Variants in MAP2K1 observed in about 807,000 individuals in gnomAD.
MAP2K1 encodes mitogen-activated protein kinase kinase 1, also known as dual specificity mitogen-activated protein kinase kinase 1.
A neutral mutation model predicts 46.3 loss-of-function variants in MAP2K1; 16 were observed. The ratio of observed to expected loss-of-function variants is 0.35; its 90% confidence interval spans 0.23 to 0.52. The LOEUF (loss-of-function observed/expected upper bound fraction) is 0.52, where lower values mean the gene tolerates loss of function less well. Among genes scored for constraint, MAP2K1 ranks in the 20% least tolerant of loss-of-function variants. The pLI is 0.94. For missense variants in MAP2K1, 263 were observed against 497.1 expected (o/e 0.53, Z 4.48); for synonymous variants, 183 against 185.6 (o/e 0.99, Z 0.11).
At position 66,445,863 on chromosome 15, in the gene MAP2K1, G is replaced by A. The variant is rs959445114; in HGVS notation, c.568+1156G>A. ...AGGAACTTTTTGGGGTGACACAAAT[G>A]TTACATCTTTTTTTTTTTTTCAAGA... On this transcript the variant is annotated intron_variant, in intron 5 of 10. Transcript: ENST00000307102. 3.3e-5 allele frequency among the ~76,000 whole-genome samples: 5 copies of A among 151,632 alleles called. No individual in the cohort carries two copies. The East Asian group carries it at 7.8e-4, about 24-fold the overall frequency.
chr15:66,465,220 A>G (rs1892431616), intron 5 of MAP2K1, among the ~76,000 whole-genome samples: 1 of 152,100 alleles, frequency 6.6e-6, no homozygotes, highest in Non-Finnish European at 1.5e-5. Context: ...AACCCCTCAG[A>G]CACCGAGTTA....
chr15:66,397,196 A>G (rs12912609), intron 1 of MAP2K1, among the ~76,000 whole-genome samples: 8,521 of 148,930 alleles, frequency 0.057, 346 homozygotes, highest in Middle Eastern at 0.11. Flanking sequence ...AGTAGAGACA[A>G]GGTTTCACCG....
rs546637392 is a variant in MAP2K1 at position 66,406,400 on chromosome 15, T to A, written c.80+18973T>A. On this transcript the variant is annotated intron_variant, in intron 1 of 10. Transcript: ENST00000307102. ...ATTAAAAGGCATTTAAATTATACAC[T>A]CCAGTGTCTAAATGACAGTCTGAAG... Among the ~76,000 whole-genome samples, 3 of 152,290 alleles carry A rather than the reference T, an allele frequency of 2.0e-5. No individual in the cohort carries two copies. The South Asian group carries it at 6.2e-4, about 32-fold the overall frequency.
At chr15:66,424,906 T>C (rs1267197398) in intron 1 of MAP2K1, among the ~76,000 whole-genome samples, 1 of 149,470 alleles carries the variant, frequency 6.7e-6, no homozygotes, top group African/African-American at 2.5e-5. Flanking sequence ...CAAGCGATTC[T>C]CCCGCCTCAG....
At chr15:66,446,757 G>C in intron 5 of MAP2K1, 1 of 332,788 alleles carries the variant, frequency 3.0e-6, no homozygotes, top group Non-Finnish European at 6.3e-6. Context: ...CGGCAAAAAT[G>C]GCCTTGCACC....
At chr15:66,459,601 G>C (rs1892265046) in intron 5 of MAP2K1, among the ~76,000 whole-genome samples, 1 of 144,790 alleles carries the variant, frequency 6.9e-6, no homozygotes, top group Admixed American at 7.1e-5. Context: ...CTGGATGACA[G>C]AGCAAGACAC....
rs2093489128 is a variant in MAP2K1, at chr15:66,436,765, A to G, written c.311A>G (p.Lys104Arg). Reference sequence around the variant, plus strand: ...CTCCAGCTAATTCATCTGGAGATCAAACCCGCAATCCGGAACCAGATCATA... The same window carrying G: ...CTCCAGCTAATTCATCTGGAGATCAGACCCGCAATCCGGAACCAGATCATA... ...MARKLIHLEI[K>R]PAIRNQIIRE... Residue 104 changes from lysine to arginine, a missense_variant, in exon 3 of 11, where the codon AAA (lysine) becomes AGA (arginine). Lys to Arg is a conservative substitution (Grantham distance 26). Around this residue, in one of 4 missense-constraint regions of MAP2K1, gnomAD observed 103 missense variants for 221.6 expected, o/e 0.46. Coordinates refer to ENST00000307102, the MANE Select transcript of MAP2K1 (RefSeq NM_002755.4). The G allele has an allele frequency of 6.2e-7, 1 of 1,614,196 alleles. No individual in the cohort carries two copies. The highest frequency in any genetic ancestry group is 8.5e-7 in the Non-Finnish European group (1 of 1,180,016).
At chr15:66,452,424 C>G (rs550144582) in intron 5 of MAP2K1, among the ~76,000 whole-genome samples, 22 of 151,702 alleles carry the variant, frequency 1.5e-4, no homozygotes, top group African/African-American at 4.3e-4. Flanking sequence ...GAGGGGGAAA[C>G]AGTTTTTCTA....
chr15:66,427,529 G>T (rs2093462296), intron 1 of MAP2K1, among the ~76,000 whole-genome samples: 1 of 151,662 alleles, frequency 6.6e-6, no homozygotes, highest in African/African-American at 2.4e-5. Flanking sequence ...CTGCACTCCA[G>T]CCTGGGTGAC....
At chr15:66,391,826 G>A (rs991041266) in intron 1 of MAP2K1, among the ~76,000 whole-genome samples, 7 of 151,984 alleles carry the variant, frequency 4.6e-5, no homozygotes, top group Admixed American at 1.3e-4. Context: ...AATTCCACCT[G>A]TTAGTCTGGT....
chr15:66,447,093 G>T (rs1891888680), intron 5 of MAP2K1, among the ~76,000 whole-genome samples: 1 of 152,144 alleles, frequency 6.6e-6, no homozygotes, highest in Admixed American at 6.6e-5. Flanking sequence ...GTGGACTAGG[G>T]TGGGCTGTTG....
chr15:66,484,381 CAT>C (rs757306890), intron 6 of MAP2K1, among the ~76,000 whole-genome samples: 12 of 152,008 alleles, frequency 7.9e-5, no homozygotes, highest in Non-Finnish European at 1.8e-4. Context: ...CTCCTGATCT[CAT>C]GTGATCCGCC....
intron 1 of MAP2K1, among the ~76,000 whole-genome samples, chr15:66,407,144 G>T (rs989426722): frequency 6.6e-6 from 1 of 152,172 alleles, no homozygotes; most frequent in African/African-American, 2.4e-5. Context: ...GTAGTATAGG[G>T]TCTAACTTCT....
chr15:66,460,400 T>C (rs538828473), intron 5 of MAP2K1, among the ~76,000 whole-genome samples: 27 of 152,236 alleles, frequency 1.8e-4, no homozygotes, highest in Non-Finnish European at 2.1e-4. Flanking sequence ...GTAGAAGTTA[T>C]ATATGTGGCA....
chr15:66,479,366 G>A (rs916932449), intron 5 of MAP2K1, among the ~76,000 whole-genome samples: 2 of 152,262 alleles, frequency 1.3e-5, no homozygotes, highest in African/African-American at 4.8e-5. Flanking sequence ...CCAAAGTGCT[G>A]GGATTACAGG....
chr15:66,470,323 G>A (rs1233991415), intron 5 of MAP2K1, among the ~76,000 whole-genome samples: 1 of 152,038 alleles, frequency 6.6e-6, no homozygotes, highest in Non-Finnish European at 1.5e-5. Flanking sequence ...AGACCAGCTG[G>A]TTGTTAATCA....
intron 7 of MAP2K1, among the ~76,000 whole-genome samples, chr15:66,485,836 T>G (rs1418332954): frequency 6.6e-6 from 1 of 152,204 alleles, no homozygotes; most frequent in Non-Finnish European, 1.5e-5. Context: ...CGCCTCAGCC[T>G]CCCAAAATGC....
intron 1 of MAP2K1, among the ~76,000 whole-genome samples, chr15:66,428,300 G>A (rs903678596): frequency 1.3e-5 from 2 of 148,460 alleles, no homozygotes; most frequent in Non-Finnish European, 3.0e-5. Context: ...GTGTGTGTGT[G>A]TGTGTGTGTG....
chr15:66,490,187 A>G (rs1893201868), intron 10 of MAP2K1: 2 of 530,410 alleles, frequency 3.8e-6, no homozygotes, highest in Middle Eastern at 5.1e-4. Flanking sequence ...TATATAGTAT[A>G]TAATATGCAC....
Sources: allele counts gnomAD v4.1 joint callset (sites outside exome capture counted in the v4.1 genomes callset), GRCh38; gene constraint gnomAD v4.1.1; regional missense constraint gnomAD v4.1.1; transcripts MANE v1.5; gene names NCBI Gene and HGNC (gene_info 2026-07-23, HGNC 2026-07-21).